Variants in NR1H4 observed in about 807,000 individuals in gnomAD.
The protein encoded by NR1H4 is nuclear receptor subfamily 1 group H member 4, also known as bile acid receptor.
In NR1H4, 23 loss-of-function variants were observed where a neutral mutation model predicts 58.5. The ratio of observed to expected loss-of-function variants is 0.39; its 90% CI spans 0.28 to 0.56. NR1H4 has a LOEUF of 0.56. NR1H4 is among the 20% of genes least tolerant of loss of function. The pLI, the probability that NR1H4 is intolerant of heterozygous loss-of-function variation, is 0.58. For missense variants in NR1H4, 487 were observed against 576.9 expected (o/e 0.84, Z 1.60); for synonymous variants, 214 against 198.0 (o/e 1.08, Z -0.68).
chr12:100,526,709 T>C (rs186185235), intron 4 of NR1H4, among the ~76,000 whole-genome samples: 82 of 152,302 alleles, frequency 5.4e-4, no homozygotes, highest in Non-Finnish European at 9.9e-4. Flanking sequence ...CTTCCTGTCC[T>C]TGTCTCAGAG....
intron 8 of NR1H4, among the ~76,000 whole-genome samples, chr12:100,540,388 G>GT (rs1431241189): frequency 1.3e-5 from 2 of 152,162 alleles, no homozygotes; most frequent in Non-Finnish European, 2.9e-5. Context: ...AAATCTACCT[G>GT]TGTCTAGTTT....
intron 1 of NR1H4, among the ~76,000 whole-genome samples, chr12:100,475,327 C>A (rs1210052760): frequency 6.6e-6 from 1 of 152,068 alleles, no homozygotes. Flanking sequence ...CCATTTGTAC[C>A]GTGGACTTTT....
chr12:100,485,277 T>G (rs1168587258), intron 1 of NR1H4, among the ~76,000 whole-genome samples: 1 of 152,148 alleles, frequency 6.6e-6, no homozygotes, highest in African/African-American at 2.4e-5. Flanking sequence ...TACTTAACTC[T>G]GTACTGTGGC....
At chr12:100,519,322 G>A (rs1954352123) in intron 4 of NR1H4, among the ~76,000 whole-genome samples, 1 of 152,124 alleles carries the variant, frequency 6.6e-6, no homozygotes, top group South Asian at 2.1e-4. Flanking sequence ...ATTAAGGGAG[G>A]GTTGTGGAGG....
chr12:100,548,370 T>TA lies in NR1H4; in HGVS notation c.1078+7568dup, dbSNP rs11304340. 5.8e-4 allele frequency among the ~76,000 whole-genome samples: 80 copies of TA among 137,626 alleles called. No individual in the cohort carries two copies. In the Middle Eastern group the frequency reaches 0.011, roughly 19 times the overall value. 90.3% of individuals were successfully genotyped at this position (137,626 alleles called of 152,430 possible). A position where few individuals can be genotyped will look rare whatever the true frequency, so the allele number is the denominator to read the frequency against. ...CAACAGAGCAAGACTCCATCTCAAT[T>TA]AAAAAAAAAAAAAAAAGAATACCTC... On this transcript the variant is annotated intron_variant, in intron 9 of 10. Coordinates refer to ENST00000392986, the MANE Select transcript of NR1H4 (RefSeq NM_001206979.2).
At chr12:100,477,067 C>A (rs938864969) in intron 1 of NR1H4, among the ~76,000 whole-genome samples, 17 of 152,214 alleles carry the variant, frequency 1.1e-4, no homozygotes, top group Admixed American at 5.2e-4. Context: ...ATCCTTCTGT[C>A]TTTTCTCTCC....
chr12:100,516,879 T>C (rs184046909), intron 4 of NR1H4, among the ~76,000 whole-genome samples: 1 of 152,222 alleles, frequency 6.6e-6, no homozygotes, highest in African/African-American at 2.4e-5. Flanking sequence ...TCATATCTTA[T>C]GTCCATTTTA....
rs376363143 is a variant in NR1H4 at position 100,529,331 on chromosome 12, A to G, written c.446-3127A>G. On this transcript the variant is annotated intron_variant, in intron 4 of 10. Coordinates refer to ENST00000392986, the MANE Select transcript of NR1H4 (RefSeq NM_001206979.2). Reference sequence around the variant, plus strand: ...CAGGCATTGGTAGCCTCTCAGTTGTATTATGGCAATAGTCTCCTCTCTCTA... The same window carrying G: ...CAGGCATTGGTAGCCTCTCAGTTGTGTTATGGCAATAGTCTCCTCTCTCTA... Among the ~76,000 whole-genome samples, 9 of 152,130 alleles carry G rather than the reference A, an allele frequency of 5.9e-5. No individual in the cohort carries two copies. The South Asian group carries it at 1.5e-3, about 25-fold the overall frequency.
chr12:100,556,111 A>G (rs976770847), intron 9 of NR1H4, among the ~76,000 whole-genome samples: 2 of 152,200 alleles, frequency 1.3e-5, no homozygotes, highest in African/African-American at 4.8e-5. Flanking sequence ...CTGTTTTTTA[A>G]AAAATATTTA....
At chr12:100,499,857 C>T (rs759000608) in intron 3 of NR1H4, 12 of 455,842 alleles carry the variant, frequency 2.6e-5, no homozygotes, top group South Asian at 1.2e-4. Flanking sequence ...TAACAGATTT[C>T]CTGGGTTGGT....
At chr12:100,503,593 G>T (rs1332383602) in intron 3 of NR1H4, 3 of 1,228,002 alleles carry the variant, frequency 2.4e-6, no homozygotes, top group East Asian at 2.6e-5. Flanking sequence ...ACAGATGTCT[G>T]TCAAAGATAG....
rs966197382 is a variant in NR1H4 at position 100,563,811 on chromosome 12, T to C, written c.*322T>C. ...TGCTCATCTTACCATATTGCATATA[T>C]TTTATTAAAGAGTTGTATTCAATCT... is the stretch of plus-strand genomic sequence containing the variant. On this transcript the variant is annotated 3_prime_UTR_variant, in exon 11 of 11. Transcript: ENST00000392986. 5.3e-5 allele frequency: 14 copies of C among 261,888 alleles called. No homozygotes were observed. The highest frequency in any genetic ancestry group is 2.9e-4 in the African/African-American group (13 of 45,444). The allele number at this position is 261,888 out of a possible 1,614,324, so 16.2% of individuals were successfully genotyped here.
intron 4 of NR1H4, among the ~76,000 whole-genome samples, chr12:100,520,232 G>A (rs565691954): frequency 3.9e-5 from 6 of 152,228 alleles, no homozygotes; most frequent in South Asian, 4.1e-4. Context: ...GGGAGCACGG[G>A]CTTTGCGGGC....
At chr12:100,517,429 C>T (rs1358175456) in intron 4 of NR1H4, among the ~76,000 whole-genome samples, 1 of 152,124 alleles carries the variant, frequency 6.6e-6, no homozygotes, top group Non-Finnish European at 1.5e-5. Flanking sequence ...ATCCAGTCAT[C>T]CATTGATGAA....
intron 4 of NR1H4, among the ~76,000 whole-genome samples, chr12:100,515,701 ATTG>A (rs1222597733): frequency 6.6e-6 from 1 of 152,216 alleles, no homozygotes; most frequent in Non-Finnish European, 1.5e-5. Context: ...ATAGATGTCT[ATTG>A]TTATTATTGT....
Position 100,563,436 on chromosome 12 carries a change from G to A in NR1H4, c.1378G>A (p.Val460Ile). 1 of 1,614,160 alleles carries A rather than the reference G, an allele frequency of 6.2e-7. No individual in the cohort carries two copies. Among genetic ancestry groups the A allele is most frequent in the Non-Finnish European group, 8.5e-7 (1 of 1,180,040 alleles). Reference protein sequence around the residue: ...HHAEMLMSWRVNDHKFTPLLC... With the variant: ...HHAEMLMSWRINDHKFTPLLC... ...CGCTGAGATGCTGATGTCATGGAGAGTAAACGACCACAAGTTTACCCCACT... is the reference window on the plus strand; with the variant it reads ...CGCTGAGATGCTGATGTCATGGAGAATAAACGACCACAAGTTTACCCCACT... The change falls in exon 11 of 11, where the codon GTA becomes ATA. Residue 460 changes from valine to isoleucine, a missense_variant. Physicochemically the swap from Val to Ile is conservative, Grantham distance 29. Coordinates refer to ENST00000392986, the MANE Select transcript of NR1H4 (RefSeq NM_001206979.2).
chr12:100,506,864 T>A (rs1490084065), intron 3 of NR1H4, among the ~76,000 whole-genome samples: 2 of 152,218 alleles, frequency 1.3e-5, no homozygotes, highest in African/African-American at 4.8e-5. Context: ...TTTACTGATG[T>A]TCTACTGTTT....
chr12:100,553,503 T>C (rs993789788), intron 9 of NR1H4, among the ~76,000 whole-genome samples: 1 of 152,202 alleles, frequency 6.6e-6, no homozygotes, highest in Non-Finnish European at 1.5e-5. Flanking sequence ...ACAGGGATCC[T>C]GCCTTGTATT....
intron 5 of NR1H4, 71 bp from the exon 6 acceptor site, chr12:100,534,819 A>G (rs1954777145): frequency 1.3e-6 from 2 of 1,556,886 alleles, no homozygotes; most frequent in African/African-American, 1.4e-5. Context: ...GGTACATATC[A>G]GTGGTTTTAT....
Sources: allele counts gnomAD v4.1 joint callset (sites outside exome capture counted in the v4.1 genomes callset), GRCh38; gene constraint gnomAD v4.1.1; transcripts MANE v1.5; gene names NCBI Gene and HGNC (gene_info 2026-07-23, HGNC 2026-07-21).